PRDM10: variants seen among roughly 807,000 people sequenced by gnomAD.
PRDM10 encodes PR/SET domain 10.
In PRDM10, 65 loss-of-function variants were observed where a neutral mutation model predicts 133.1. The ratio of observed to expected loss-of-function variants is 0.49; its 90% CI spans 0.40 to 0.60. The LOEUF (loss-of-function observed/expected upper bound fraction) is 0.60. Among genes scored for constraint, PRDM10 ranks in the 20% least tolerant of loss-of-function variants. PRDM10 has a pLI of 0.00. For synonymous variants in PRDM10, 582 were observed against 580.4 expected (o/e 1.00, Z -0.04); for missense variants, 1,137 against 1,507.1 (o/e 0.75, Z 4.07).
Position 129,915,028 on chromosome 11 carries a change from C to T in PRDM10, c.2527-10G>A. 6.4e-7 allele frequency: 1 copy of T among 1,561,560 alleles called. No homozygotes were observed. Among genetic ancestry groups the T allele is most frequent in the Admixed American group, 1.9e-5 (1 of 51,676 alleles). On this transcript the variant is annotated splice_polypyrimidine_tract_variant and intron_variant, in intron 16 of 20. Coordinates refer to ENST00000360871, the MANE Select transcript of PRDM10 (RefSeq NM_199437.2). The stretch of plus-strand genomic sequence containing the variant: ...GCTGGACCATCTTGGTCTGAAAAAG[C>T]AAGGCAAAAAACAAGAATAATTATT...
intron 1 of PRDM10, among the ~76,000 whole-genome samples, chr11:129,989,104 T>G (rs781354295): frequency 8.5e-5 from 13 of 152,172 alleles, no homozygotes; most frequent in Non-Finnish European, 1.5e-4. Flanking sequence ...GTTCCCACAC[T>G]TCATGAACTG....
At chr11:129,910,432 A>G (rs1300745275) in intron 19 of PRDM10, 44 bp downstream of exon 19, 2 of 1,609,226 alleles carry the variant, frequency 1.2e-6, no homozygotes, top group Non-Finnish European at 1.7e-6. Flanking sequence ...ATGGCTGGAG[A>G]TCCCCCACCC....
At chr11:129,907,294 G>A (rs188504921) in intron 19 of PRDM10, among the ~76,000 whole-genome samples, 40 of 152,168 alleles carry the variant, frequency 2.6e-4, no homozygotes, top group East Asian at 2.1e-3. Flanking sequence ...CAAATGACCC[G>A]GTTTCCTCAA....
At chr11:129,965,626 T>G (rs1364506017) in intron 1 of PRDM10, among the ~76,000 whole-genome samples, 2 of 152,190 alleles carry the variant, frequency 1.3e-5, no homozygotes, top group Non-Finnish European at 2.9e-5. Flanking sequence ...AGGAAGAGAA[T>G]GATATGGTTG....
intron 1 of PRDM10, among the ~76,000 whole-genome samples, chr11:129,978,395 A>C (rs57667138): frequency 1.3e-5 from 2 of 152,130 alleles, no homozygotes; most frequent in African/African-American, 2.4e-5. Context: ...CTGATATGAG[A>C]CTGAGCTATG....
intron 1 of PRDM10, among the ~76,000 whole-genome samples, chr11:129,972,643 A>C (rs1326766040): frequency 6.6e-6 from 1 of 152,210 alleles, no homozygotes; most frequent in Non-Finnish European, 1.5e-5. Context: ...CTCTTACCCC[A>C]GGTCACAGTG....
rs540662880 is a variant in PRDM10, at chr11:129,947,042, G to A, written c.520+103C>T. 23 of 1,486,226 alleles carry A rather than the reference G, an allele frequency of 1.5e-5. No individual in the cohort carries two copies. The highest frequency in any genetic ancestry group is 7.4e-5 in the Admixed American group (4 of 53,804). The allele number at this position is 1,486,226 out of a possible 1,614,324, so 92.1% of individuals were successfully genotyped here. Reference sequence around the variant, plus strand: ...GAATGTAGCACAGTTGGCTGCACACGGAAGGACCTGACGCACGGGAGCTAT... The same window carrying A: ...GAATGTAGCACAGTTGGCTGCACACAGAAGGACCTGACGCACGGGAGCTAT... On this transcript the variant is annotated intron_variant, in intron 5 of 20. Transcript: ENST00000360871. The surrounding 1 kb of genome is among the most constrained non-coding windows in gnomAD (Gnocchi z 4.6).
intron 15 of PRDM10, 45 bp downstream of exon 15, chr11:129,917,082 G>T: frequency 7.0e-7 from 1 of 1,421,460 alleles, no homozygotes; most frequent in African/African-American, 1.4e-5. Context: ...TCAGCTCTAA[G>T]CAGGGAACCC....
chr11:129,906,879 G>A (rs1039302468), intron 19 of PRDM10, among the ~76,000 whole-genome samples: 1 of 151,996 alleles, frequency 6.6e-6, no homozygotes, highest in African/African-American at 2.4e-5. Context: ...TCAGGAGTCT[G>A]AGGCAGGAGA....
At position 129,947,472 on chromosome 11, in the gene PRDM10, T is replaced by C; in HGVS notation, c.295-102A>G. ...CAGGGCGCAAGGGCTGGCTGAAATCTAGTCTTCCTACCAACTCCTTCCAGG... is the reference window on the plus strand; with the variant it reads ...CAGGGCGCAAGGGCTGGCTGAAATCCAGTCTTCCTACCAACTCCTTCCAGG... On this transcript the variant is annotated intron_variant, in intron 4 of 20. Coordinates refer to ENST00000360871, the MANE Select transcript of PRDM10 (RefSeq NM_199437.2). The surrounding 1 kb of genome is among the most constrained non-coding windows in gnomAD (Gnocchi z 4.6). 6.4e-7 allele frequency: 1 copy of C among 1,565,524 alleles called. No homozygotes were observed. Among genetic ancestry groups the C allele is most frequent in the Non-Finnish European group, 8.7e-7 (1 of 1,152,338 alleles).
Position 129,901,576 on chromosome 11 carries a change from T to C in PRDM10, c.*737A>G, listed in dbSNP as rs1206689768. ...TGTAGGGGTTTAGATTCTGCTGACA[T>C]CAAGCAGCCTTTTCTCTTTCAGGTT... On this transcript the variant is annotated 3_prime_UTR_variant, in exon 21 of 21. Coordinates refer to ENST00000360871, the MANE Select transcript of PRDM10 (RefSeq NM_199437.2). 1 of 152,282 alleles carries C rather than the reference T, an allele frequency of 6.6e-6. No homozygotes were observed. The highest frequency in any genetic ancestry group is 1.5e-5 in the Non-Finnish European group (1 of 68,046). The allele number at this position is 152,282 out of a possible 1,614,324, so 9.4% of individuals were successfully genotyped here. A position where few individuals can be genotyped will look rare whatever the true frequency, so the allele number is the denominator to read the frequency against.
At chr11:129,913,558 C>G (rs553949016) in intron 17 of PRDM10, among the ~76,000 whole-genome samples, 12 of 152,286 alleles carry the variant, frequency 7.9e-5, no homozygotes, top group African/African-American at 2.9e-4. Context: ...TCACCATTAA[C>G]CCACTATGAC....
intron 12 of PRDM10, among the ~76,000 whole-genome samples, chr11:129,924,011 A>G (rs1004357799): frequency 5.3e-5 from 8 of 152,268 alleles, no homozygotes; most frequent in Non-Finnish European, 1.0e-4. Flanking sequence ...TTACTTTTAG[A>G]TAAATAAAGG....
At chr11:129,933,499 T>C (rs1950933988) in intron 9 of PRDM10, among the ~76,000 whole-genome samples, 1 of 152,344 alleles carries the variant, frequency 6.6e-6, no homozygotes, top group African/African-American at 2.4e-5. Context: ...AATACCATTA[T>C]CACACCTGAG....
chr11:129,988,091 CAAAG>C (rs1375250276), intron 1 of PRDM10, among the ~76,000 whole-genome samples: 3 of 152,044 alleles, frequency 2.0e-5, no homozygotes, highest in Non-Finnish European at 4.4e-5. Context: ...AAGCTAGTCA[CAAAG>C]AAATACACAT....
rs1949861390 is a variant in PRDM10, at chr11:129,902,240, C to G, written c.*73G>C. The G allele has an allele frequency of 6.6e-7, 1 of 1,520,078 alleles. No homozygotes were observed. Among genetic ancestry groups the G allele is most frequent in the African/African-American group, 1.4e-5 (1 of 72,326 alleles). The allele number at this position is 1,520,078 out of a possible 1,614,324, so 94.2% of individuals were successfully genotyped here. A position where few individuals can be genotyped will look rare whatever the true frequency, so the allele number is the denominator to read the frequency against. ...GAATAATAAATCTTACAAAAGAGCTCTACGTGTCAGAGCTTTCAGACTTAT... is the reference window on the plus strand; with the variant it reads ...GAATAATAAATCTTACAAAAGAGCTGTACGTGTCAGAGCTTTCAGACTTAT... On this transcript the variant is annotated 3_prime_UTR_variant, in exon 21 of 21. Coordinates refer to ENST00000360871, the MANE Select transcript of PRDM10 (RefSeq NM_199437.2).
At chr11:129,996,919 A>G (rs1033159937) in intron 1 of PRDM10, among the ~76,000 whole-genome samples, 10 of 152,170 alleles carry the variant, frequency 6.6e-5, no homozygotes, top group Admixed American at 5.2e-4. Context: ...TAATTAAGAA[A>G]CTAGTTGAAA....
In PRDM10 at chr11:129,914,974, G is replaced by T. The variant is rs1190413519; in HGVS notation, c.2571C>A (p.Ala857=). ...GTGTGTGTATGGTGTTGGAGAGCTG[G>T]GCGAACTCTGGATGCTTCTTTCGAA... ...QHIRKKHPEF[A]QLSNTIHTPL... The change falls in exon 17 of 21, where the codon GCC becomes GCA. Residue 857 remains alanine (A), a synonymous_variant. Transcript: ENST00000360871. The T allele has an allele frequency of 6.2e-7, 1 of 1,608,842 alleles. No homozygotes were observed. Among genetic ancestry groups the T allele is most frequent in the African/African-American group, 1.3e-5 (1 of 74,782 alleles).
chr11:129,930,936 G>T, intron 11 of PRDM10, 80 bp downstream of exon 11: 1 of 1,515,702 alleles, frequency 6.6e-7, no homozygotes, highest in Non-Finnish European at 8.8e-7. Context: ...AAGGTGAATA[G>T]GTTAGAAAAC....
Sources: gnomAD v4.1 joint callset for allele counts (sites outside exome capture counted in the v4.1 genomes callset) on GRCh38, gnomAD v4.1.1 for gene constraint, Gnocchi (gnomAD v3.1) non-coding constraint, MANE v1.5 for transcripts, NCBI Gene and HGNC (gene_info 2026-07-23, HGNC 2026-07-21) for gene names.